The following INVS variants were observed in gnomAD, a reference collection of about 807,000 sequenced individuals.
The protein encoded by INVS is inversion of embryo turning homolog.
In INVS, 86 loss-of-function variants were observed where a neutral mutation model predicts 108.8. That is an observed-to-expected ratio of 0.79 (90% confidence interval 0.66 to 0.95). The LOEUF (loss-of-function observed/expected upper bound fraction) is 0.95. Among genes scored for constraint, INVS ranks in the 40% least tolerant of loss-of-function variants. The pLI, the probability that INVS is intolerant of heterozygous loss-of-function variation, is 0.00. For missense variants in INVS, 1,169 were observed against 1,297.4 expected (o/e 0.90, Z 1.52); for synonymous variants, 455 against 473.5 (o/e 0.96, Z 0.51).
At chr9:100,268,066 C>T (rs1230894656) in intron 11 of INVS, among the ~76,000 whole-genome samples, 4 of 152,034 alleles carry the variant, frequency 2.6e-5, no homozygotes, top group Non-Finnish European at 4.4e-5. Context: ...TTGGCTCTCT[C>T]GCAAGAAACA....
chr9:100,143,041 T>C (rs1828483561), intron 3 of INVS, among the ~76,000 whole-genome samples: 1 of 152,110 alleles, frequency 6.6e-6, no homozygotes, highest in African/African-American at 2.4e-5. Flanking sequence ...ACTGAAGTAA[T>C]GGGGGCTGTC....
chr9:100,228,486 T>C (rs1272667292), intron 4 of INVS, among the ~76,000 whole-genome samples: 1 of 152,264 alleles, frequency 6.6e-6, no homozygotes, highest in Non-Finnish European at 1.5e-5. Context: ...TGTATTTTTT[T>C]ATAGATATTA....
In INVS at chr9:100,166,949, G is replaced by C. The variant is rs1447962609; in HGVS notation, c.273+40400G>C. On this transcript the variant is annotated intron_variant, in intron 3 of 16. Coordinates refer to ENST00000262457, the MANE Select transcript of INVS (RefSeq NM_014425.5). ...AGTCCTCTGCTCCAGACCCTTTAAAGGATTTTCCAGTTGAGCGCAGTGGCT... is the reference window on the plus strand; with the variant it reads ...AGTCCTCTGCTCCAGACCCTTTAAACGATTTTCCAGTTGAGCGCAGTGGCT... Among the ~76,000 whole-genome samples, 6 of 152,248 alleles carry C rather than the reference G, an allele frequency of 3.9e-5. No individual in the cohort carries two copies. The South Asian group carries it at 1.2e-3, about 32-fold the overall frequency.
At chr9:100,210,439 T>A (rs749482270) in intron 3 of INVS, among the ~76,000 whole-genome samples, 1 of 152,142 alleles carries the variant, frequency 6.6e-6, no homozygotes, top group Non-Finnish European at 1.5e-5. Context: ...TCAAAGAAAT[T>A]GGGAGCAGGA....
intron 3 of INVS, among the ~76,000 whole-genome samples, chr9:100,186,403 A>G (rs6479003): frequency 0.94 from 142,283 of 152,072 alleles, 66,682 homozygotes; most frequent in East Asian, 1. Context: ...CACCCACCTC[A>G]GCCTCCCAAA....
intron 5 of INVS, among the ~76,000 whole-genome samples, chr9:100,233,840 T>G (rs1831593727): frequency 6.6e-6 from 1 of 152,198 alleles, no homozygotes; most frequent in Non-Finnish European, 1.5e-5. Flanking sequence ...TCTATTTTTC[T>G]TGTGTCTCTG....
chr9:100,119,818 A>G (rs913701951), intron 2 of INVS, among the ~76,000 whole-genome samples: 2 of 152,192 alleles, frequency 1.3e-5, no homozygotes, highest in Non-Finnish European at 2.9e-5. Flanking sequence ...TCGGCCTCCC[A>G]AAGTGTTGGG....
At chr9:100,222,326 C>T (rs1283973181) in intron 3 of INVS, among the ~76,000 whole-genome samples, 1 of 152,056 alleles carries the variant, frequency 6.6e-6, no homozygotes. Flanking sequence ...CATTATTACC[C>T]CTGTTTTATA....
At chr9:100,183,532 C>T (rs550939501) in intron 3 of INVS, among the ~76,000 whole-genome samples, 16 of 152,256 alleles carry the variant, frequency 1.1e-4, no homozygotes, top group African/African-American at 3.9e-4. Context: ...GTGGCTTACG[C>T]CTGTAATCCC....
intron 14 of INVS, 31 bp downstream of exon 14, chr9:100,293,074 G>A: frequency 6.4e-7 from 1 of 1,567,836 alleles, no homozygotes; most frequent in Non-Finnish European, 8.8e-7. Flanking sequence ...CGCATCTGTG[G>A]TTCTTTGTTA....
chr9:100,261,928 C>A (rs976553522), intron 10 of INVS, among the ~76,000 whole-genome samples: 1 of 151,994 alleles, frequency 6.6e-6, no homozygotes, highest in African/African-American at 2.4e-5. Flanking sequence ...TTCCCACTTG[C>A]CAAGAGTTTT....
At chr9:100,175,776 A>T (rs1829692676) in intron 3 of INVS, 1 of 637,440 alleles carries the variant, frequency 1.6e-6, no homozygotes, top group African/African-American at 1.8e-5. Flanking sequence ...GACCTGGAAC[A>T]TCCAGTCCTA....
Position 100,209,687 on chromosome 9 carries a change from A to G in INVS, c.274-16375A>G, listed in dbSNP as rs563058494. ...CAGGAGGCTGAGGCAGAAGAATGGC[A>G]TGAACCTGGAAGGCAGAGCTTGCAG... On this transcript the variant is annotated intron_variant, in intron 3 of 16. Coordinates refer to ENST00000262457, the MANE Select transcript of INVS (RefSeq NM_014425.5). 1.6e-4 allele frequency among the ~76,000 whole-genome samples: 24 copies of G among 149,694 alleles called. No homozygotes were observed. The East Asian group carries it at 3.2e-3, about 20-fold the overall frequency.
intron 3 of INVS, among the ~76,000 whole-genome samples, chr9:100,191,663 G>T (rs1040611714): frequency 6.6e-6 from 1 of 151,938 alleles, no homozygotes; most frequent in Non-Finnish European, 1.5e-5. Context: ...TCAACCTTTT[G>T]GGTTCTTTAT....
intron 2 of INVS, among the ~76,000 whole-genome samples, chr9:100,124,546 T>TAAAA (rs55879793): frequency 4.4e-5 from 6 of 136,936 alleles, no homozygotes; most frequent in Non-Finnish European, 7.9e-5. Flanking sequence ...AGACCCTCAT[T>TAAAA]AAAAAAAAAA....
At chr9:100,278,525 G>A (rs1472917908) in intron 12 of INVS, among the ~76,000 whole-genome samples, 5 of 152,144 alleles carry the variant, frequency 3.3e-5, no homozygotes, top group Non-Finnish European at 7.4e-5. Flanking sequence ...TGAGAACAGG[G>A]ACTGTGTGTT....
At chr9:100,287,607 A>T (rs1833487823) in intron 13 of INVS, among the ~76,000 whole-genome samples, 1 of 152,182 alleles carries the variant, frequency 6.6e-6, no homozygotes, top group Admixed American at 6.5e-5. Context: ...ACAAGATCTC[A>T]TGGTTTAAAT....
At chr9:100,110,301 T>A (rs924641242) in intron 2 of INVS, among the ~76,000 whole-genome samples, 1 of 152,174 alleles carries the variant, frequency 6.6e-6, no homozygotes, top group African/African-American at 2.4e-5. Flanking sequence ...TTACCCTCAT[T>A]TTTAAATAAG....
intron 2 of INVS, among the ~76,000 whole-genome samples, chr9:100,111,378 C>T (rs1037588512): frequency 6.6e-6 from 1 of 152,230 alleles, no homozygotes; most frequent in Admixed American, 6.5e-5. Context: ...CATATGTACT[C>T]TTATGCTTCC....
Sources: gnomAD v4.1 joint callset for allele counts (sites outside exome capture counted in the v4.1 genomes callset) on GRCh38, gnomAD v4.1.1 for gene constraint, MANE v1.5 for transcripts, NCBI Gene and HGNC (gene_info 2026-07-23, HGNC 2026-07-21) for gene names.